CCSER1: variants seen among roughly 807,000 people sequenced by gnomAD.
The protein encoded by CCSER1 is serine-rich coiled-coil domain-containing protein 1.
CCSER1 carries 41 observed loss-of-function variants against 82.0 expected under a neutral mutation model. That is an observed-to-expected ratio of 0.50 (90% CI 0.39 to 0.65). The LOEUF (loss-of-function observed/expected upper bound fraction) is 0.65. CCSER1 is among the 30% of genes least tolerant of loss of function. The pLI is 0.00. For missense variants in CCSER1, 1,119 were observed against 1,064.2 expected (o/e 1.05, Z -0.72); for synonymous variants, 414 against 383.9 (o/e 1.08, Z -0.92).
At chr4:91,414,515 T>G (rs554445080) in intron 10 of CCSER1, among the ~76,000 whole-genome samples, 1 of 152,218 alleles carries the variant, frequency 6.6e-6, no homozygotes, top group African/African-American at 2.4e-5. Flanking sequence ...AGGGGATCCA[T>G]GAGACAGCCA....
chr4:90,560,883 T>C (rs1266232393), intron 5 of CCSER1, among the ~76,000 whole-genome samples: 1 of 152,170 alleles, frequency 6.6e-6, no homozygotes, highest in African/African-American at 2.4e-5. Flanking sequence ...TTATTTCCAG[T>C]TGTTTAAAAA....
intron 6 of CCSER1, among the ~76,000 whole-genome samples, chr4:90,645,446 C>T (rs561226949): frequency 6.6e-6 from 1 of 152,242 alleles, no homozygotes; most frequent in South Asian, 2.1e-4. Context: ...AAACAATTTC[C>T]TTTATATCTA....
intron 10 of CCSER1, among the ~76,000 whole-genome samples, chr4:91,459,138 C>CT (rs1314809160): frequency 1.3e-5 from 1 of 76,694 alleles, no homozygotes. Context: ...TTTACAAAGT[C>CT]TTTTTTTAAA....
At chr4:90,533,161 G>C (rs1167214004) in intron 5 of CCSER1, among the ~76,000 whole-genome samples, 1 of 141,878 alleles carries the variant, frequency 7.0e-6, no homozygotes, top group Non-Finnish European at 1.5e-5. Context: ...GCGCGATCTC[G>C]GCTCACTGCA....
intron 6 of CCSER1, among the ~76,000 whole-genome samples, chr4:90,721,532 G>A (rs1742682422): frequency 6.6e-6 from 1 of 151,776 alleles, no homozygotes; most frequent in Non-Finnish European, 1.5e-5. Flanking sequence ...CCATAATTCT[G>A]ACAGAACATT....
intron 8 of CCSER1, among the ~76,000 whole-genome samples, chr4:90,894,948 A>C: frequency 6.6e-6 from 1 of 152,016 alleles, no homozygotes; most frequent in East Asian, 1.9e-4. Flanking sequence ...AATTTAGATT[A>C]ATCAAGATAA....
rs1235563001 is a variant in CCSER1, at chr4:91,435,977, G to A, written c.2218-162595G>A. On this transcript the variant is annotated intron_variant, in intron 10 of 10. Coordinates refer to ENST00000509176, the MANE Select transcript of CCSER1 (RefSeq NM_001145065.2). ...CAGTAGAAGAAAGCTCCTTGGATTA[G>A]CTGTATTTGAGCAATACTCTTTTTT... Among the ~76,000 whole-genome samples, 3 of 152,162 alleles carry A rather than the reference G, an allele frequency of 2.0e-5. No homozygotes were observed. The East Asian group carries it at 5.8e-4, about 29-fold the overall frequency.
chr4:91,535,074 C>A (rs960478735), intron 10 of CCSER1, among the ~76,000 whole-genome samples: 1 of 151,668 alleles, frequency 6.6e-6, no homozygotes, highest in Non-Finnish European at 1.5e-5. Flanking sequence ...ATTAAGTGAA[C>A]AATAAATATT....
rs112810287 is a variant in CCSER1 at position 91,340,363 on chromosome 4, T to C, written c.2217+254369T>C. ...TCACTGTCCTGAATTAAATATGTGA[T>C]TTCCATCAAATGCATTTAGTAGAAT... is the stretch of plus-strand genomic sequence containing the variant. On this transcript the variant is annotated intron_variant, in intron 10 of 10. Transcript: ENST00000509176. 2.6e-5 allele frequency among the ~76,000 whole-genome samples: 4 copies of C among 152,322 alleles called. 1 individual carries two copies. The highest frequency in any genetic ancestry group is 9.6e-5 in the African/African-American group (4 of 41,590).
chr4:91,088,901 T>A (rs142052351), intron 10 of CCSER1, among the ~76,000 whole-genome samples: 12 of 152,296 alleles, frequency 7.9e-5, no homozygotes, highest in African/African-American at 2.4e-4. Context: ...ACTGTAATTT[T>A]TCTTAAAAGA....
intron 8 of CCSER1, among the ~76,000 whole-genome samples, chr4:90,820,409 G>T (rs1223094078): frequency 6.6e-6 from 1 of 152,094 alleles, no homozygotes; most frequent in Non-Finnish European, 1.5e-5. Flanking sequence ...AGCAGGTTAG[G>T]GCCCATCTCT....
At chr4:91,469,298 A>T (rs573748665) in intron 10 of CCSER1, among the ~76,000 whole-genome samples, 5 of 152,320 alleles carry the variant, frequency 3.3e-5, no homozygotes, top group Non-Finnish European at 7.3e-5. Flanking sequence ...TGAGACATGA[A>T]GTGCTTTAAG....
At chr4:91,387,196 T>A (rs1751351129) in intron 10 of CCSER1, among the ~76,000 whole-genome samples, 1 of 151,920 alleles carries the variant, frequency 6.6e-6, no homozygotes, top group African/African-American at 2.4e-5. Flanking sequence ...TATTTAGGGA[T>A]AAAAATATAT....
intron 10 of CCSER1, among the ~76,000 whole-genome samples, chr4:91,328,269 T>G (rs1746703526): frequency 6.6e-6 from 1 of 152,178 alleles, no homozygotes; most frequent in Admixed American, 6.6e-5. Flanking sequence ...TGACTCACAG[T>G]TACACAGGCT....
chr4:91,140,778 A>G (rs999785327), intron 10 of CCSER1, among the ~76,000 whole-genome samples: 53 of 152,204 alleles, frequency 3.5e-4, no homozygotes, highest in African/African-American at 1.3e-3. Context: ...CATCTGATTC[A>G]GTTTTCTTGT....
chr4:91,408,114 G>A lies in CCSER1; in HGVS notation c.2218-190458G>A, dbSNP rs1425390388. Among the ~76,000 whole-genome samples, 7 of 152,040 alleles carry A rather than the reference G, an allele frequency of 4.6e-5. 1 individual carries two copies. In the East Asian group the frequency reaches 1.4e-3, roughly 29 times the overall value. Reference sequence around the variant, plus strand: ...AGAGATGAATGTCTAGAGTACAACAGCCTCAGTTGTATTAAGATAAAGAGA... The same window carrying A: ...AGAGATGAATGTCTAGAGTACAACAACCTCAGTTGTATTAAGATAAAGAGA... On this transcript the variant is annotated intron_variant, in intron 10 of 10. Transcript: ENST00000509176.
At chr4:90,707,534 A>AT (rs1244281554) in intron 6 of CCSER1, among the ~76,000 whole-genome samples, 3 of 143,640 alleles carry the variant, frequency 2.1e-5, no homozygotes, top group African/African-American at 8.1e-5. Flanking sequence ...TACCTTAAAA[A>AT]AAAAATATAT....
At chr4:91,476,156 A>G (rs950900129) in intron 10 of CCSER1, among the ~76,000 whole-genome samples, 1 of 151,752 alleles carries the variant, frequency 6.6e-6, no homozygotes, top group Non-Finnish European at 1.5e-5. Flanking sequence ...ATACATATTC[A>G]TCAGTGGGAT....
chr4:91,365,906 C>G (rs1231416937), intron 10 of CCSER1, among the ~76,000 whole-genome samples: 1 of 152,188 alleles, frequency 6.6e-6, no homozygotes, highest in Non-Finnish European at 1.5e-5. Context: ...GGCTTTGTCT[C>G]TGGTATCAAA....
Sources: gnomAD v4.1 joint callset for allele counts (sites outside exome capture counted in the v4.1 genomes callset) on GRCh38, gnomAD v4.1.1 for gene constraint, MANE v1.5 for transcripts, NCBI Gene and HGNC (gene_info 2026-07-23, HGNC 2026-07-21) for gene names.